The following GMDS variants were observed in gnomAD, a reference collection of about 807,000 sequenced individuals.
GMDS encodes the protein GDP-mannose 4,6 dehydratase.
A neutral mutation model predicts 49.9 loss-of-function variants in GMDS; 20 were observed. The ratio of observed to expected loss-of-function variants is 0.40; its 90% confidence interval spans 0.28 to 0.58. The LOEUF (loss-of-function observed/expected upper bound fraction) is 0.58. Ranked by LOEUF, GMDS falls within the 20% of genes least tolerant of loss-of-function variation. The probability of loss-of-function intolerance (pLI) is 0.42; values close to 1 mark genes in which losing one functional copy is unlikely to be tolerated. For synonymous variants in GMDS, 177 were observed against 178.6 expected, an observed-to-expected ratio of 0.99 and a Z score of 0.07; for missense variants, 362 against 481.4, an observed-to-expected ratio of 0.75 and a Z score of 2.32.
intron 1 of GMDS, among the ~76,000 whole-genome samples, chr6:2,161,213 G>A (rs1777382878): frequency 6.6e-6 from 1 of 151,750 alleles, no homozygotes; most frequent in Admixed American, 6.6e-5. Flanking sequence ...ATTTCACCAT[G>A]TTCACCAGGA....
chr6:1,870,385 A>G lies in GMDS; in HGVS notation c.771+59718T>C, dbSNP rs192212237. 4.2e-3 allele frequency among the ~76,000 whole-genome samples: 637 copies of G among 152,212 alleles called. 3 individuals are homozygous for G. Among genetic ancestry groups the G allele is most frequent in the African/African-American group, 0.013 (527 of 41,510 alleles). ...ACTTTCAGCAACGAAGATACGCCCA[A>G]CCCTTAGAAGCATGATATATGCCTG... On this transcript the variant is annotated intron_variant, in intron 7 of 10. Transcript: ENST00000380815.
chr6:2,020,221 C>A (rs559568107), intron 4 of GMDS, among the ~76,000 whole-genome samples: 1 of 151,838 alleles, frequency 6.6e-6, no homozygotes, highest in East Asian at 1.9e-4. Context: ...GCCTTGAGAA[C>A]AATAAAAGTA....
At chr6:2,053,720 A>G (rs1770607046) in intron 4 of GMDS, among the ~76,000 whole-genome samples, 1 of 152,094 alleles carries the variant, frequency 6.6e-6, no homozygotes, top group East Asian at 1.9e-4. Context: ...GGGATTAAAC[A>G]CACTGAGAAA....
Position 1,968,330 on chromosome 6 carries a change from C to T in GMDS, c.346-7364G>A, listed in dbSNP as rs562718775. Among the ~76,000 whole-genome samples the T allele has an allele frequency of 3.3e-5, 5 of 152,288 alleles. No individual in the cohort carries two copies. The East Asian group carries it at 9.6e-4, about 29-fold the overall frequency. ...TTGTCATGTGTTGGTAACTACAGTG[C>T]TCACAATTTTACATATTTAAAATGA... On this transcript the variant is annotated intron_variant, in intron 4 of 10. Transcript: ENST00000380815.
At chr6:2,173,606 T>G (rs901728093) in intron 1 of GMDS, among the ~76,000 whole-genome samples, 1 of 152,208 alleles carries the variant, frequency 6.6e-6, no homozygotes, top group African/African-American at 2.4e-5. Flanking sequence ...AGAGAAGTAG[T>G]GAAAACAGGA....
At chr6:2,040,560 A>C (rs1322199047) in intron 4 of GMDS, among the ~76,000 whole-genome samples, 1 of 152,214 alleles carries the variant, frequency 6.6e-6, no homozygotes, top group African/African-American at 2.4e-5. Flanking sequence ...TCCAGCAGCA[A>C]TGTACATTAA....
At chr6:2,083,253 A>C (rs746471465) in intron 4 of GMDS, among the ~76,000 whole-genome samples, 5 of 152,166 alleles carry the variant, frequency 3.3e-5, no homozygotes, top group Non-Finnish European at 7.3e-5. Flanking sequence ...TTCCTTAATC[A>C]TACTTCCTGC....
At chr6:1,715,624 A>G (rs1432838590) in intron 9 of GMDS, among the ~76,000 whole-genome samples, 1 of 152,234 alleles carries the variant, frequency 6.6e-6, no homozygotes, top group Non-Finnish European at 1.5e-5. Context: ...CAACATGCCT[A>G]TTGAGATCAG....
intron 4 of GMDS, among the ~76,000 whole-genome samples, chr6:2,001,523 A>G (rs1766817876): frequency 6.6e-6 from 1 of 152,166 alleles, no homozygotes; most frequent in African/African-American, 2.4e-5. Context: ...TAGCTCTTAC[A>G]TTAGGTTTTT....
At chr6:1,986,491 A>G (rs1023571728) in intron 4 of GMDS, among the ~76,000 whole-genome samples, 13 of 152,252 alleles carry the variant, frequency 8.5e-5, no homozygotes, top group African/African-American at 3.1e-4. Context: ...CAGAAAATAT[A>G]TTAAGAATTA....
intron 1 of GMDS, among the ~76,000 whole-genome samples, chr6:2,212,110 T>C (rs1469103336): frequency 1.3e-5 from 2 of 152,256 alleles, no homozygotes; most frequent in African/African-American, 2.4e-5. Context: ...TTCTCTGTAA[T>C]TCAATTGATT....
chr6:2,176,491 A>G (rs1333951408), intron 1 of GMDS, among the ~76,000 whole-genome samples: 1 of 152,170 alleles, frequency 6.6e-6, no homozygotes, highest in African/African-American at 2.4e-5. Context: ...TGGTAAACCA[A>G]CTTAACTTGG....
In GMDS at chr6:2,135,784, A is replaced by T. The variant is rs1272296280; in HGVS notation, c.103-11053T>A. On this transcript the variant is annotated intron_variant, in intron 1 of 10. Coordinates refer to ENST00000380815, the MANE Select transcript of GMDS (RefSeq NM_001500.4). ...GGTAAAAAGAAACAGATAAAGATGA[A>T]TTTTATTTAACACATATATCTAGAA... is the stretch of plus-strand genomic sequence containing the variant. 3.3e-5 allele frequency among the ~76,000 whole-genome samples: 5 copies of T among 152,348 alleles called. No homozygotes were observed. The East Asian group carries it at 5.8e-4, about 18-fold the overall frequency.
chr6:2,007,327 C>A (rs996824293), intron 4 of GMDS, among the ~76,000 whole-genome samples: 1 of 152,150 alleles, frequency 6.6e-6, no homozygotes, highest in African/African-American at 2.4e-5. Context: ...AAGCATTCCC[C>A]TAATTAAAAC....
chr6:2,184,793 A>T (rs1275875834), intron 1 of GMDS, among the ~76,000 whole-genome samples: 1 of 152,222 alleles, frequency 6.6e-6, no homozygotes, highest in South Asian at 2.1e-4. Context: ...CTATCATATT[A>T]CCATAAAAGT....
At chr6:1,823,317 C>G (rs1341612710) in intron 7 of GMDS, among the ~76,000 whole-genome samples, 1 of 152,162 alleles carries the variant, frequency 6.6e-6, no homozygotes, top group Non-Finnish European at 1.5e-5. Context: ...CGTATTATCT[C>G]TAATTTCTCA....
At position 2,005,604 on chromosome 6, in the gene GMDS, A is replaced by G. The variant is rs572210618; in HGVS notation, c.346-44638T>C. 3.3e-5 allele frequency among the ~76,000 whole-genome samples: 5 copies of G among 152,284 alleles called. No individual in the cohort carries two copies. The South Asian group carries it at 8.3e-4, about 25-fold the overall frequency. On this transcript the variant is annotated intron_variant, in intron 4 of 10. Coordinates refer to ENST00000380815, the MANE Select transcript of GMDS (RefSeq NM_001500.4). ...CACTCGACTCACTCTATCAGGACCA[A>G]TATCTTACCTTCTTGATCTTCCATT...
chr6:1,696,613 C>G (rs936662414), intron 9 of GMDS, among the ~76,000 whole-genome samples: 1 of 152,182 alleles, frequency 6.6e-6, no homozygotes, highest in Non-Finnish European at 1.5e-5. Context: ...CAAGCTAAGG[C>G]AGAAGGTAAG....
At chr6:1,958,355 T>C (rs909182976) in intron 6 of GMDS, among the ~76,000 whole-genome samples, 11 of 152,000 alleles carry the variant, frequency 7.2e-5, no homozygotes, top group African/African-American at 2.7e-4. Flanking sequence ...ACAATGTGTA[T>C]GAACATGTTT....
Sources: allele counts gnomAD v4.1 joint callset (sites outside exome capture counted in the v4.1 genomes callset), GRCh38; gene constraint gnomAD v4.1.1; transcripts MANE v1.5; gene names NCBI Gene and HGNC (gene_info 2026-07-23, HGNC 2026-07-21).